Variants in SAMD4A observed in about 807,000 individuals in gnomAD.
The protein encoded by SAMD4A is sterile alpha motif domain containing 4A.
In SAMD4A, 33 loss-of-function variants were observed where a neutral mutation model predicts 81.3. The observed-to-expected ratio is 0.41, with a 90% CI of 0.31 to 0.54. SAMD4A has a LOEUF of 0.54. SAMD4A is among the 20% of genes least tolerant of loss of function. The pLI, the probability that SAMD4A is intolerant of heterozygous loss-of-function variation, is 0.37. For synonymous variants in SAMD4A, 389 were observed against 382.1 expected (o/e 1.02, Z -0.21); for missense variants, 854 against 951.1 (o/e 0.90, Z 1.34).
At chr14:54,702,659 T>A in intron 3 of SAMD4A, 79 bp downstream of exon 3, 1 of 1,486,598 alleles carries the variant, frequency 6.7e-7, no homozygotes, top group Non-Finnish European at 9.2e-7. Flanking sequence ...TGACAGTGTC[T>A]GCTCCATGCA....
intron 2 of SAMD4A, among the ~76,000 whole-genome samples, chr14:54,601,684 A>G (rs2140225259): frequency 6.6e-6 from 1 of 152,358 alleles, no homozygotes; most frequent in Admixed American, 6.5e-5. Context: ...AGTGGACTCC[A>G]TAGCCAGGGC....
chr14:54,613,637 G>T (rs996861967), intron 2 of SAMD4A, among the ~76,000 whole-genome samples: 1 of 152,192 alleles, frequency 6.6e-6, no homozygotes, highest in African/African-American at 2.4e-5. Flanking sequence ...AAGATGGGAT[G>T]AATGATATGT....
At chr14:54,724,646 T>C (rs1180099344) in intron 3 of SAMD4A, among the ~76,000 whole-genome samples, 1 of 152,098 alleles carries the variant, frequency 6.6e-6, no homozygotes, top group African/African-American at 2.4e-5. Context: ...TCAGGGCAGG[T>C]AAGGAGGAAA....
intron 11 of SAMD4A, among the ~76,000 whole-genome samples, chr14:54,783,602 G>A (rs180769540): frequency 2.6e-5 from 4 of 152,306 alleles, no homozygotes; most frequent in African/African-American, 4.8e-5. Context: ...AGAGGCCCTC[G>A]AGGCTGAGTG....
intron 2 of SAMD4A, among the ~76,000 whole-genome samples, chr14:54,700,232 C>T (rs1389023981): frequency 6.6e-6 from 1 of 152,174 alleles, no homozygotes; most frequent in Non-Finnish European, 1.5e-5. Flanking sequence ...TTTAATCCCA[C>T]AGCACATGGA....
rs373453406 is a variant in SAMD4A, at chr14:54,788,920, G to T, written c.2133G>T (p.Gly711=). The T allele has an allele frequency of 1.2e-6, 2 of 1,614,212 alleles. No homozygotes were observed. Among genetic ancestry groups the T allele is most frequent in the South Asian group, 1.1e-5 (1 of 91,088 alleles). Residue 711 remains glycine, a synonymous_variant, in exon 13 of 13, where the codon GGG becomes GGT. Coordinates refer to ENST00000554335, the MANE Select transcript of SAMD4A (RefSeq NM_015589.6). The part of the protein sequence containing the change: ...LSMTEHALGD[G]VDRTSTI ...GTTTGCTGCTTTCTCTCCCAGACGG[G>T]GTTGACCGGACCTCCACCATCTAGA... is the stretch of plus-strand genomic sequence containing the variant.
chr14:54,626,059 T>G (rs9323269), intron 2 of SAMD4A, among the ~76,000 whole-genome samples: 5 of 102,096 alleles, frequency 4.9e-5, no homozygotes, highest in Non-Finnish European at 8.0e-5. Flanking sequence ...TGTGTGTGTG[T>G]GCGCGCGCGC....
intron 2 of SAMD4A, among the ~76,000 whole-genome samples, chr14:54,629,042 C>A (rs1354177585): frequency 3.3e-5 from 5 of 151,798 alleles, no homozygotes; most frequent in African/African-American, 1.2e-4. Context: ...CAGATGTAGA[C>A]AAGTTAAAAT....
intron 3 of SAMD4A, among the ~76,000 whole-genome samples, chr14:54,723,298 C>T (rs1190264641): frequency 1.3e-5 from 2 of 152,044 alleles, no homozygotes; most frequent in African/African-American, 4.8e-5. Flanking sequence ...AGATGCTTTC[C>T]ATGTGGTTGG....
intron 2 of SAMD4A, among the ~76,000 whole-genome samples, chr14:54,580,712 C>CTGA (rs139671029): frequency 0.021 from 3,248 of 152,294 alleles, 108 homozygotes; most frequent in African/African-American, 0.076. Context: ...TGGTGCCCTG[C>CTGA]TGATACCTTT....
intron 2 of SAMD4A, among the ~76,000 whole-genome samples, chr14:54,624,509 A>T (rs933331255): frequency 2.0e-4 from 30 of 152,242 alleles, no homozygotes; most frequent in Admixed American, 1.9e-3. Context: ...TTTCAATGCT[A>T]GCGGGGAATT....
chr14:54,719,467 C>T (rs2037207627), intron 3 of SAMD4A, among the ~76,000 whole-genome samples: 1 of 152,116 alleles, frequency 6.6e-6, no homozygotes, highest in African/African-American at 2.4e-5. Context: ...ATGGAGGCGG[C>T]CTGGTTTCTA....
chr14:54,570,828 A>G (rs959198018), intron 2 of SAMD4A, among the ~76,000 whole-genome samples: 8 of 152,318 alleles, frequency 5.3e-5, no homozygotes, highest in African/African-American at 1.9e-4. Context: ...TTGATGTGTA[A>G]GGCTCTTACC....
At chr14:54,585,657 G>C (rs546129349) in intron 2 of SAMD4A, among the ~76,000 whole-genome samples, 1 of 152,038 alleles carries the variant, frequency 6.6e-6, no homozygotes, top group East Asian at 1.9e-4. Context: ...CATTCACATA[G>C]CGTAACTCCC....
chr14:54,656,468 T>C (rs1202713595), intron 2 of SAMD4A, among the ~76,000 whole-genome samples: 3 of 152,166 alleles, frequency 2.0e-5, no homozygotes, highest in African/African-American at 7.2e-5. Flanking sequence ...CTTTGACTTA[T>C]TTAGTAGTGG....
intron 2 of SAMD4A, among the ~76,000 whole-genome samples, chr14:54,591,987 T>C (rs2033789179): frequency 6.6e-6 from 1 of 152,058 alleles, no homozygotes; most frequent in Non-Finnish European, 1.5e-5. Flanking sequence ...TGTGCCTTTT[T>C]CCCTTTTCCT....
rs562379961 is a variant in SAMD4A, at chr14:54,752,698, A to G, written c.1176+1161A>G. Among the ~76,000 whole-genome samples, 193 of 152,366 alleles carry G rather than the reference A, an allele frequency of 1.3e-3. 1 individual carries two copies. The highest frequency in any genetic ancestry group is 4.5e-3 in the African/African-American group (187 of 41,594). On this transcript the variant is annotated intron_variant, in intron 6 of 12. Transcript: ENST00000554335. ...GAAATAAGACACAGAGACAAAGTAT[A>G]GAGAAACAACAGTGGGCCCAGGGGA...
In SAMD4A at chr14:54,789,072, C is replaced by G. The variant is rs1283629147; in HGVS notation, c.*128C>G. 1.9e-6 allele frequency: 2 copies of G among 1,054,718 alleles called. No homozygotes were observed. The highest frequency in any genetic ancestry group is 1.8e-5 in the Admixed American group (1 of 54,494). 65.3% of individuals were successfully genotyped at this position (1,054,718 alleles called of 1,614,324 possible). ...GCCTTTTTTCCCCCTGGTCCCTCTC[C>G]CGTTTTGATTTTGTGAGAGCGTAGG... is the stretch of plus-strand genomic sequence containing the variant. On this transcript the variant is annotated 3_prime_UTR_variant, in exon 13 of 13. Coordinates refer to ENST00000554335, the MANE Select transcript of SAMD4A (RefSeq NM_015589.6).
At chr14:54,737,772 CCTCTT>C (rs1310499734) in intron 4 of SAMD4A, among the ~76,000 whole-genome samples, 2 of 151,734 alleles carry the variant, frequency 1.3e-5, no homozygotes, top group Admixed American at 6.6e-5. Flanking sequence ...CTTTCTCTCT[CCTCTT>C]CTCTTTGATA....
Sources: allele counts gnomAD v4.1 joint callset (sites outside exome capture counted in the v4.1 genomes callset), GRCh38; gene constraint gnomAD v4.1.1; transcripts MANE v1.5; gene names NCBI Gene and HGNC (gene_info 2026-07-23, HGNC 2026-07-21).